CIROZ: variants seen among roughly 807,000 people sequenced by gnomAD.
CIROZ encodes ciliated left-right organizer ZP-N domains-containing protein.
the CIROZ span, among the ~76,000 whole-genome samples, chr1:10,953,678 A>G: frequency 6.6e-6 from 1 of 152,082 alleles, no homozygotes; most frequent in Non-Finnish European, 1.5e-5. Flanking sequence ...TGGTATGCCT[A>G]TTTTCCAGAT....
chr1:10,963,867 T>C, the CIROZ span, among the ~76,000 whole-genome samples: 3 of 152,144 alleles, frequency 2.0e-5, no homozygotes, highest in South Asian at 2.1e-4. Flanking sequence ...AGATGGGAAA[T>C]CCAGAACCCG....
the CIROZ span, chr1:10,955,032 A>G: frequency 6.2e-7 from 1 of 1,612,302 alleles, no homozygotes; most frequent in Non-Finnish European, 8.5e-7. Context: ...TGACCACCAC[A>G]AAGTCCTTGT....
chr1:10,967,699 C>T, the CIROZ span, among the ~76,000 whole-genome samples: 3 of 152,096 alleles, frequency 2.0e-5, no homozygotes, highest in African/African-American at 4.8e-5. Context: ...AGGCTGGGCA[C>T]GGTGGCTCAC....
the CIROZ span, among the ~76,000 whole-genome samples, chr1:10,963,529 C>A: frequency 6.6e-6 from 1 of 151,952 alleles, no homozygotes. Flanking sequence ...GGGTTTCTAG[C>A]CCTCCCCACT....
the CIROZ span, among the ~76,000 whole-genome samples, chr1:10,973,414 T>C: frequency 1.3e-5 from 2 of 152,034 alleles, no homozygotes; most frequent in South Asian, 2.1e-4. Flanking sequence ...AAGACTAAAG[T>C]CAGCCACGTG....
the CIROZ span, among the ~76,000 whole-genome samples, chr1:10,974,722 C>G: frequency 2.6e-5 from 4 of 152,162 alleles, no homozygotes; most frequent in Admixed American, 6.6e-5. The surrounding 1 kb of genome is among the most constrained non-coding windows in gnomAD (Gnocchi z 4.4). Context: ...CCAGAGATCC[C>G]GTAACAGAAG....
At chr1:10,972,986 A>G in the CIROZ span, among the ~76,000 whole-genome samples, 6 of 152,126 alleles carry the variant, frequency 3.9e-5, no homozygotes, top group Non-Finnish European at 7.3e-5. Flanking sequence ...TACCTGGGGC[A>G]TTGGGCCTTG....
chr1:10,980,705 C>T, the CIROZ span, among the ~76,000 whole-genome samples: 3 of 152,288 alleles, frequency 2.0e-5, no homozygotes, highest in South Asian at 2.1e-4. Context: ...CTCTCCCCTC[C>T]GTCTGATGCC....
At chr1:10,956,509 T>G in the CIROZ span, among the ~76,000 whole-genome samples, 6 of 150,610 alleles carry the variant, frequency 4.0e-5, no homozygotes, top group Non-Finnish European at 8.9e-5. Flanking sequence ...GGAGTCTCGC[T>G]CTGTCCCCCA....
At chr1:10,974,269 G>A in the CIROZ span, among the ~76,000 whole-genome samples, 1 of 152,034 alleles carries the variant, frequency 6.6e-6, no homozygotes, top group Admixed American at 6.5e-5. This position sits in a 1 kb window ranked among gnomAD's most constrained non-coding sequence, Gnocchi z 4.4. Flanking sequence ...TCCCCTTTGA[G>A]GTCCATAAAA....
At chr1:10,956,965 C>T in the CIROZ span, 1 of 1,452,428 alleles carries the variant, frequency 6.9e-7, no homozygotes, top group Admixed American at 2.0e-5. Context: ...AGGGAGAAAA[C>T]AGACCAGAAT....
At chr1:10,968,515 T>C in the CIROZ span, among the ~76,000 whole-genome samples, 1 of 152,338 alleles carries the variant, frequency 6.6e-6, no homozygotes, top group African/African-American at 2.4e-5. Context: ...GGAGGAAGAC[T>C]GTGAAAGGTA....
chr1:10,980,311 G>A, the CIROZ span, among the ~76,000 whole-genome samples: 2 of 152,204 alleles, frequency 1.3e-5, no homozygotes, highest in Non-Finnish European at 2.9e-5. Flanking sequence ...AGGAGCTTGC[G>A]GCTGCCTGGC....
the CIROZ span, among the ~76,000 whole-genome samples, chr1:10,979,187 T>C: frequency 6.6e-6 from 1 of 152,010 alleles, no homozygotes; most frequent in African/African-American, 2.4e-5. Context: ...AGTCGGGGGT[T>C]TCACCATGTT....
chr1:10,966,218 G>T, the CIROZ span: 1 of 1,155,062 alleles, frequency 8.7e-7, no homozygotes, highest in Non-Finnish European at 1.2e-6. Context: ...ACTCCATGAG[G>T]GCAGAGACTT....
chr1:10,964,409 G>T, the CIROZ span: 1 of 1,089,036 alleles, frequency 9.2e-7, no homozygotes, highest in South Asian at 1.7e-5. Context: ...GAAGAGGGAT[G>T]GGAAACGAGA....
the CIROZ span, among the ~76,000 whole-genome samples, chr1:10,972,235 G>A: frequency 1.3e-5 from 2 of 152,166 alleles, no homozygotes; most frequent in Non-Finnish European, 2.9e-5. Context: ...AGTTGATAGA[G>A]AGCTTAAGTT....
chr1:10,951,269 T>C, the CIROZ span, among the ~76,000 whole-genome samples: 1 of 151,470 alleles, frequency 6.6e-6, no homozygotes, highest in African/African-American at 2.4e-5. Context: ...CTCATCTCTA[T>C]AAAAAATATT....
the CIROZ span, among the ~76,000 whole-genome samples, chr1:10,955,496 G>T: frequency 6.6e-6 from 1 of 152,176 alleles, no homozygotes; most frequent in Non-Finnish European, 1.5e-5. Context: ...ACCGTCTTTG[G>T]CTTCGGTGAC....
Sources: gnomAD v4.1 joint callset for allele counts (sites outside exome capture counted in the v4.1 genomes callset) on GRCh38, gnomAD v4.1.1 for gene constraint, Gnocchi (gnomAD v3.1) non-coding constraint, MANE v1.5 for transcripts, NCBI Gene and HGNC (gene_info 2026-07-23, HGNC 2026-07-21) for gene names.